Variants in CA10 observed in about 807,000 individuals in gnomAD.
CA10 encodes the protein carbonic anhydrase 10 (inactive).
A neutral mutation model predicts 44.2 loss-of-function variants in CA10; 14 were observed. The observed-to-expected ratio is 0.32, with a 90% CI of 0.21 to 0.50. The LOEUF (loss-of-function observed/expected upper bound fraction) is 0.50. CA10 is among the 20% of genes least tolerant of loss of function. The pLI, the probability that CA10 is intolerant of heterozygous loss-of-function variation, is 0.99. For synonymous variants in CA10, 159 were observed against 141.6 expected, an observed-to-expected ratio of 1.12 and a Z score of -0.87; for missense variants, 350 against 409.7, an observed-to-expected ratio of 0.85 and a Z score of 1.26.
intron 6 of CA10, 50 bp from the exon 7 acceptor site, chr17:51,636,059 G>A: frequency 7.9e-7 from 1 of 1,268,108 alleles, no homozygotes; most frequent in South Asian, 1.5e-5. Context: ...GAAAGGGATG[G>A]TATTGCTGAC....
chr17:51,679,849 G>A (rs1329610459), intron 4 of CA10, among the ~76,000 whole-genome samples: 1 of 152,124 alleles, frequency 6.6e-6, no homozygotes, highest in Non-Finnish European at 1.5e-5. Flanking sequence ...ACTAAGGATG[G>A]TTATACATTT....
intron 3 of CA10, among the ~76,000 whole-genome samples, chr17:51,856,616 G>A (rs1598084472): frequency 6.6e-6 from 1 of 152,254 alleles, no homozygotes; most frequent in Non-Finnish European, 1.5e-5. Flanking sequence ...GGTCCACAAC[G>A]AGGAGGAATA....
At chr17:52,052,446 T>C (rs1243190310) in intron 2 of CA10, among the ~76,000 whole-genome samples, 2 of 151,992 alleles carry the variant, frequency 1.3e-5, no homozygotes, top group Non-Finnish European at 2.9e-5. Flanking sequence ...TAGTTTTGGC[T>C]TATTATCATT....
intron 3 of CA10, among the ~76,000 whole-genome samples, chr17:51,778,212 G>T (rs1390419656): frequency 6.6e-6 from 1 of 152,134 alleles, no homozygotes; most frequent in African/African-American, 2.4e-5. Flanking sequence ...CTGGGTGTTT[G>T]TTTACCTTGG....
At chr17:51,880,699 C>A (rs1424615094) in intron 3 of CA10, among the ~76,000 whole-genome samples, 2 of 151,908 alleles carry the variant, frequency 1.3e-5, no homozygotes, top group Non-Finnish European at 2.9e-5. Flanking sequence ...GACTCCCTGC[C>A]AATCTCCTAT....
chr17:51,784,159 A>G (rs945381216), intron 3 of CA10, among the ~76,000 whole-genome samples: 46 of 152,166 alleles, frequency 3.0e-4, no homozygotes, highest in African/African-American at 1.0e-3. Context: ...CAGTTACCCA[A>G]GGCCAAGTGC....
chr17:52,116,748 T>C (rs1191883621), intron 1 of CA10, among the ~76,000 whole-genome samples: 1 of 152,242 alleles, frequency 6.6e-6, no homozygotes, highest in African/African-American at 2.4e-5. Flanking sequence ...AAGCCTGACA[T>C]GCTGGCAAAA....
chr17:51,762,591 G>A (rs1905246277), intron 3 of CA10: 1 of 152,182 alleles, frequency 6.6e-6, no homozygotes, highest in East Asian at 1.9e-4. Flanking sequence ...CAGAAGATCG[G>A]TGACAGTAGG....
chr17:51,861,873 A>C (rs898825593), intron 3 of CA10, among the ~76,000 whole-genome samples: 3 of 152,190 alleles, frequency 2.0e-5, no homozygotes, highest in Non-Finnish European at 4.4e-5. Context: ...GAATCACCAA[A>C]GGCTATATCT....
At chr17:51,708,948 G>A (rs138424293) in intron 4 of CA10, among the ~76,000 whole-genome samples, 8 of 152,310 alleles carry the variant, frequency 5.3e-5, no homozygotes, top group African/African-American at 7.2e-5. Context: ...TTGGGGACTG[G>A]GACTGGCTTC....
intron 3 of CA10, among the ~76,000 whole-genome samples, chr17:51,771,223 T>C (rs373361824): frequency 2.0e-5 from 3 of 149,624 alleles, no homozygotes; most frequent in East Asian, 4.1e-4. Flanking sequence ...ACCCCTATGA[T>C]CCAAACACCT....
intron 3 of CA10, among the ~76,000 whole-genome samples, chr17:51,797,710 C>T (rs953553389): frequency 2.4e-4 from 37 of 151,788 alleles, no homozygotes; most frequent in African/African-American, 7.0e-4. Flanking sequence ...AAAAATTAGC[C>T]GGGCATGGTG....
intron 2 of CA10, among the ~76,000 whole-genome samples, chr17:51,964,764 A>T (rs193144646): frequency 1.3e-3 from 204 of 152,112 alleles, no homozygotes; most frequent in Non-Finnish European, 2.2e-3. Context: ...AACAGTGCTA[A>T]AAGGAAAGTT....
At chr17:52,158,943 G>A (rs1241966354), upstream of CA10, among the ~76,000 whole-genome samples, 2 of 152,152 alleles carry the variant, frequency 1.3e-5, no homozygotes, top group African/African-American at 4.8e-5. Flanking sequence ...AGGAGGAGGA[G>A]GAGGAGGCTG....
Position 52,083,336 on chromosome 17 carries a change from T to C in CA10, c.62-10943A>G, listed in dbSNP as rs556507064. Among the ~76,000 whole-genome samples the C allele has an allele frequency of 9.2e-5, 14 of 152,258 alleles. No homozygotes were observed. In the South Asian group the frequency reaches 2.7e-3, roughly 29 times the overall value. On this transcript the variant is annotated intron_variant, in intron 1 of 8. Coordinates refer to ENST00000451037, the MANE Select transcript of CA10 (RefSeq NM_020178.5). ...GGAGGCAGTGTGAAATGATGGAAAA[T>C]ACATGGCACCCTGGGGTTAAATCAC...
intron 1 of CA10, among the ~76,000 whole-genome samples, chr17:52,111,998 T>TA (rs1252892456): frequency 3.3e-5 from 5 of 152,146 alleles, no homozygotes; most frequent in Admixed American, 6.5e-5. Context: ...GGCCAATAGA[T>TA]AACATATAAA....
rs891930579 is a variant in CA10 at position 51,781,576 on chromosome 17, C to T, written c.280-33758G>A. On this transcript the variant is annotated intron_variant, in intron 3 of 8. Transcript: ENST00000451037. ...TGATGAAAATCTACTTGTTCATTTC[C>T]TCCACTGGACTTTGAGTTCCTTGAA... 5.3e-5 allele frequency among the ~76,000 whole-genome samples: 8 copies of T among 152,264 alleles called. No individual in the cohort carries two copies. In the East Asian group the frequency reaches 1.4e-3, roughly 26 times the overall value.
intron 3 of CA10, among the ~76,000 whole-genome samples, chr17:51,854,124 A>C (rs761921874): frequency 6.6e-6 from 1 of 152,300 alleles, no homozygotes; most frequent in East Asian, 1.9e-4. Flanking sequence ...CATCTCGCCA[A>C]GATTCTCAGG....
At chr17:52,042,457 G>A (rs1444797375) in intron 2 of CA10, among the ~76,000 whole-genome samples, 1 of 151,498 alleles carries the variant, frequency 6.6e-6, no homozygotes, top group Non-Finnish European at 1.5e-5. Context: ...TGTTTGGGTT[G>A]GTTGCTATTG....
Sources: gnomAD v4.1 joint callset for allele counts (sites outside exome capture counted in the v4.1 genomes callset) on GRCh38, gnomAD v4.1.1 for gene constraint, MANE v1.5 for transcripts, NCBI Gene and HGNC (gene_info 2026-07-23, HGNC 2026-07-21) for gene names.